Variants in ADAM32 observed in about 807,000 individuals in gnomAD.
ADAM32 encodes the protein disintegrin and metalloproteinase domain-containing protein 32.
A neutral mutation model predicts 114.9 loss-of-function variants in ADAM32; 89 were observed. The ratio of observed to expected loss-of-function variants is 0.77; its 90% CI spans 0.65 to 0.92. The LOEUF is 0.92. ADAM32 is among the 40% of genes least tolerant of loss of function. ADAM32 has a pLI of 0.00. For synonymous variants in ADAM32, 285 were observed against 307.5 expected (o/e 0.93, Z 0.77); for missense variants, 870 against 932.8 (o/e 0.93, Z 0.88).
chr8:39,207,953 T>G (rs1675967300), intron 11 of ADAM32, among the ~76,000 whole-genome samples: 1 of 152,234 alleles, frequency 6.6e-6, no homozygotes, highest in African/African-American at 2.4e-5. Context: ...TATACCACAT[T>G]TTAAAAATCA....
intron 10 of ADAM32, among the ~76,000 whole-genome samples, chr8:39,183,269 A>C (rs149333239): frequency 1.2e-3 from 184 of 152,224 alleles, no homozygotes; most frequent in African/African-American, 4.3e-3. Flanking sequence ...TTCATCTCCA[A>C]CTGACCCAGA....
intron 17 of ADAM32, among the ~76,000 whole-genome samples, chr8:39,249,194 G>C (rs1163651126): frequency 6.6e-6 from 1 of 152,120 alleles, no homozygotes; most frequent in Non-Finnish European, 1.5e-5. Context: ...ATGAGCCACT[G>C]TGCCAGGCCT....
At chr8:39,168,672 A>G (rs1489334175) in intron 9 of ADAM32, 1 of 152,152 alleles carries the variant, frequency 6.6e-6, no homozygotes, top group Non-Finnish European at 1.5e-5. Flanking sequence ...TTAGTCTGCT[A>G]GAGTTTTCTT....
At position 39,232,072 on chromosome 8, in the gene ADAM32, A is replaced by C. The variant is rs1017275890; in HGVS notation, c.1571A>C (p.Gln524Pro). ...GCCTGCTATGAAGAAATACAATCTC[A>C]ATCAGACAGATTTGGGAACTGTGGT... ...PFACYEEIQS[Q>P]SDRFGNCGRD... The change falls in exon 15 of 25, where the codon CAA (glutamine) becomes CCA (proline). Residue 524 changes from glutamine (Q) to proline (P), a missense_variant. Coordinates refer to ENST00000379907, the MANE Select transcript of ADAM32 (RefSeq NM_145004.7). The C allele has an allele frequency of 1.9e-6, 3 of 1,612,670 alleles. No homozygotes were observed. In the African/African-American group the frequency reaches 4.0e-5, roughly 22 times the overall value.
intron 10 of ADAM32, among the ~76,000 whole-genome samples, chr8:39,173,244 G>T (rs1464663017): frequency 6.6e-6 from 1 of 152,190 alleles, no homozygotes; most frequent in Non-Finnish European, 1.5e-5. Flanking sequence ...GGCAACAAGA[G>T]GGAGACTCTG....
intron 22 of ADAM32, among the ~76,000 whole-genome samples, chr8:39,276,695 A>G (rs769280553): frequency 2.0e-5 from 3 of 152,070 alleles, no homozygotes; most frequent in Admixed American, 6.5e-5. Context: ...CTCATTTTTA[A>G]TCTGCCTCAT....
chr8:39,203,141 A>G (rs1244573474), intron 11 of ADAM32, among the ~76,000 whole-genome samples: 2 of 152,184 alleles, frequency 1.3e-5, no homozygotes, highest in Non-Finnish European at 2.9e-5. Context: ...GTAGATGTCT[A>G]TTAGGTCTAC....
chr8:39,160,827 T>A lies in ADAM32; in HGVS notation c.526-70T>A, dbSNP rs1361059293. Reference sequence around the variant, plus strand: ...TCTTGTAAGTGCTGTGGTATTAGCTTTAAAGAAGAGTTCAAGTAAAAAAAT... The same window carrying A: ...TCTTGTAAGTGCTGTGGTATTAGCTATAAAGAAGAGTTCAAGTAAAAAAAT... On this transcript the variant is annotated intron_variant, in intron 6 of 24. Transcript: ENST00000379907. 13 of 1,341,010 alleles carry A rather than the reference T, an allele frequency of 9.7e-6. No individual in the cohort carries two copies. The East Asian group carries it at 3.3e-4, about 34-fold the overall frequency. The allele number at this position is 1,341,010 out of a possible 1,614,324, so 83.1% of individuals were successfully genotyped here.
rs1321173696 is a variant in ADAM32 at position 39,257,234 on chromosome 8, C to T, written c.2053C>T (p.Leu685=). The change falls in exon 19 of 25, where the codon CTA becomes TTA. Residue 685 remains leucine (L), a synonymous_variant. Transcript: ENST00000379907. The part of the protein sequence containing the change: ...ASGKTENTWL[L]GFLIALPILI... Reference sequence around the variant, plus strand: ...TGGGAAGACTGAAAACACCTGGCTTCTAGGTTTCCTCATTGCTCTTCCTAT... The same window carrying T: ...TGGGAAGACTGAAAACACCTGGCTTTTAGGTTTCCTCATTGCTCTTCCTAT... 9 of 1,610,740 alleles carry T rather than the reference C, an allele frequency of 5.6e-6. No individual in the cohort carries two copies. The highest frequency in any genetic ancestry group is 7.6e-6 in the Non-Finnish European group (9 of 1,178,554).
At chr8:39,215,707 C>T (rs1322019578) in intron 12 of ADAM32, among the ~76,000 whole-genome samples, 1 of 151,908 alleles carries the variant, frequency 6.6e-6, no homozygotes, top group Non-Finnish European at 1.5e-5. Flanking sequence ...CAAAATTCCT[C>T]TTGTTATTCG....
In ADAM32 at chr8:39,223,162, C is replaced by T; in HGVS notation, c.1449C>T (p.Cys483=). ...PDITLINGLS[C]KNNKFICYDG... ...TAACTTTAATCAATGGACTTTCATG[C>T]AAAAATAATAAGTTTATTTGTTATG... The change falls in exon 14 of 25, where the codon TGC becomes TGT. Residue 483 remains cysteine, a synonymous_variant. Transcript: ENST00000379907. The T allele has an allele frequency of 6.3e-7, 1 of 1,599,444 alleles. No homozygotes were observed. The highest frequency in any genetic ancestry group is 1.7e-5 in the Admixed American group (1 of 57,608).
In ADAM32 at chr8:39,147,190, T is replaced by C. The variant is rs1186112310; in HGVS notation, c.261T>C (p.Tyr87=). 9.8e-7 allele frequency: 1 copy of C among 1,020,042 alleles called. No homozygotes were observed. The allele number at this position is 1,020,042 out of a possible 1,614,324, so 63.2% of individuals were successfully genotyped here. A position where few individuals can be genotyped will look rare whatever the true frequency, so the allele number is the denominator to read the frequency against. ...ACAATCAAGGATCTATGAATACTTATTCTTCAGATATTCAGGTAAGATTTA... is the reference window on the plus strand; with the variant it reads ...ACAATCAAGGATCTATGAATACTTACTCTTCAGATATTCAGGTAAGATTTA... ...YLYNQGSMNT[Y]SSDIQTQCYY... The change falls in exon 4 of 25, where the codon TAT becomes TAC. Residue 87 remains tyrosine, a synonymous_variant. Coordinates refer to ENST00000379907, the MANE Select transcript of ADAM32 (RefSeq NM_145004.7).
intron 18 of ADAM32, 30 bp from the exon 19 acceptor site, chr8:39,257,157 G>GA (rs757999657): frequency 3.9e-6 from 5 of 1,284,668 alleles, no homozygotes; most frequent in Non-Finnish European, 5.2e-6. Context: ...TAATTTTTTT[G>GA]TTTTTTTTTT....
chr8:39,209,877 A>T (rs1808098687), intron 11 of ADAM32, among the ~76,000 whole-genome samples: 1 of 152,062 alleles, frequency 6.6e-6, no homozygotes, highest in Non-Finnish European at 1.5e-5. Flanking sequence ...GTTGCTGGAG[A>T]GGTGATACAT....
Position 39,202,088 on chromosome 8 carries a change from C to CT in ADAM32, c.1053-9049dup, listed in dbSNP as rs1407096075. On this transcript the variant is annotated intron_variant, in intron 11 of 24. Transcript: ENST00000379907. ...ATCAGGGATATTGGTTTAAAATTCT[C>CT]TTTTTTTGTTGTATCTCTGCCAGGC... 4.6e-5 allele frequency among the ~76,000 whole-genome samples: 7 copies of CT among 152,228 alleles called. No homozygotes were observed. In the East Asian group the frequency reaches 1.4e-3, roughly 29 times the overall value.
At chr8:39,195,122 C>G (rs1014287243) in intron 11 of ADAM32, among the ~76,000 whole-genome samples, 1 of 152,136 alleles carries the variant, frequency 6.6e-6, no homozygotes, top group Non-Finnish European at 1.5e-5. Flanking sequence ...CCCCTTCAGC[C>G]CAGCATCTGT....
At chr8:39,187,138 C>G (rs1251490652) in intron 11 of ADAM32, 93 bp downstream of exon 11, 1 of 1,208,832 alleles carries the variant, frequency 8.3e-7, no homozygotes, top group Non-Finnish European at 1.1e-6. Flanking sequence ...CACAAATTAG[C>G]TATCAATGGA....
At chr8:39,112,366 CT>C (rs1326208372) in intron 1 of ADAM32, among the ~76,000 whole-genome samples, 26 of 152,130 alleles carry the variant, frequency 1.7e-4, no homozygotes, top group African/African-American at 5.1e-4. Flanking sequence ...TGTTATTGAT[CT>C]TTTCACTTGT....
At chr8:39,204,577 CT>C (rs1807686250) in intron 11 of ADAM32, among the ~76,000 whole-genome samples, 1 of 152,208 alleles carries the variant, frequency 6.6e-6, no homozygotes, top group Admixed American at 6.5e-5. Context: ...TAGGTTCAAA[CT>C]TCCTCCTTTA....
Sources: gnomAD v4.1 joint callset for allele counts (sites outside exome capture counted in the v4.1 genomes callset) on GRCh38, gnomAD v4.1.1 for gene constraint, MANE v1.5 for transcripts, NCBI Gene and HGNC (gene_info 2026-07-23, HGNC 2026-07-21) for gene names.